WHRN: variants seen among roughly 807,000 people sequenced by gnomAD.
WHRN encodes whirlin.
A neutral mutation model predicts 68.3 loss-of-function variants in WHRN; 41 were observed. The observed-to-expected ratio is 0.60, with a 90% CI of 0.47 to 0.78. WHRN has a LOEUF of 0.78. WHRN is among the 30% of genes least tolerant of loss of function. The pLI is 0.00. For missense variants in WHRN, 1,243 were observed against 1,244.7 expected, an observed-to-expected ratio of 1.00 and a Z score of 0.02; for synonymous variants, 560 against 561.3, an observed-to-expected ratio of 1.00 and a Z score of 0.03.
chr9:114,500,597 G>A (rs4979416), intron 1 of WHRN, among the ~76,000 whole-genome samples: 20,082 of 152,178 alleles, frequency 0.13, 1,811 homozygotes, highest in East Asian at 0.36. Context: ...GAGGCCATAA[G>A]GAAGCCGTTT....
chr9:114,461,491 C>G (rs1398082950), intron 3 of WHRN, among the ~76,000 whole-genome samples: 1 of 152,192 alleles, frequency 6.6e-6, no homozygotes, highest in Admixed American at 6.5e-5. Context: ...CGTCTTTTCA[C>G]AGCTGCACAG....
intron 3 of WHRN, among the ~76,000 whole-genome samples, chr9:114,427,924 C>A (rs1837026868): frequency 6.6e-6 from 1 of 152,208 alleles, no homozygotes; most frequent in Non-Finnish European, 1.5e-5. Flanking sequence ...GCTCCTGTTC[C>A]ATTTAGCTCA....
At chr9:114,502,107 C>T (rs576662306) in intron 1 of WHRN, among the ~76,000 whole-genome samples, 1 of 152,366 alleles carries the variant, frequency 6.6e-6, no homozygotes, top group East Asian at 1.9e-4. Context: ...TAACACAAAG[C>T]AGCCATCATT....
intron 7 of WHRN, among the ~76,000 whole-genome samples, chr9:114,409,907 A>C (rs1835308157): frequency 6.6e-6 from 1 of 151,786 alleles, no homozygotes; most frequent in Non-Finnish European, 1.5e-5. Flanking sequence ...CCAGAAACAC[A>C]TGTCAGGTCT....
chr9:114,452,503 A>C (rs1839426907), intron 3 of WHRN, among the ~76,000 whole-genome samples: 1 of 152,262 alleles, frequency 6.6e-6, no homozygotes, highest in African/African-American at 2.4e-5. Context: ...GCCCTGAGCC[A>C]GGTGTCTTTG....
chr9:114,489,634 T>C (rs1189659590), intron 1 of WHRN, among the ~76,000 whole-genome samples: 1 of 152,248 alleles, frequency 6.6e-6, no homozygotes, highest in Non-Finnish European at 1.5e-5. Flanking sequence ...ATCTTAATTA[T>C]AAATGTATTA....
intron 3 of WHRN, among the ~76,000 whole-genome samples, chr9:114,438,720 G>T (rs552441815): frequency 2.0e-5 from 3 of 152,104 alleles, no homozygotes; most frequent in African/African-American, 7.2e-5. Flanking sequence ...CAAAGTGCTG[G>T]GATTACAGGC....
At position 114,406,867 on chromosome 9, in the gene WHRN, C is replaced by T. The variant is rs767694333; in HGVS notation, c.1724G>A (p.Gly575Glu). The change falls in exon 9 of 12, where the codon GGG becomes GAG. Residue 575 changes from glycine to glutamate, a missense_variant. Coordinates refer to ENST00000362057, the MANE Select transcript of WHRN (RefSeq NM_015404.4). Reference sequence around the variant, plus strand: ...AGGCAGTGGCTTGAAGCTTGACAGCCCCTGGGAGGTGGATCTGACATCATC... The same window carrying T: ...AGGCAGTGGCTTGAAGCTTGACAGCTCCTGGGAGGTGGATCTGACATCATC... ...SVDDVRSTSQGLSSFKPLPRP... is the reference protein window; with the variant it reads ...SVDDVRSTSQELSSFKPLPRP... 1.9e-6 allele frequency: 3 copies of T among 1,586,654 alleles called. No homozygotes were observed. The highest frequency in any genetic ancestry group is 2.6e-6 in the Non-Finnish European group (3 of 1,166,642).
At chr9:114,484,830 T>C (rs1842356800) in intron 1 of WHRN, among the ~76,000 whole-genome samples, 1 of 152,214 alleles carries the variant, frequency 6.6e-6, no homozygotes, top group African/African-American at 2.4e-5. Flanking sequence ...CAAATTTGCC[T>C]CACTCAGCTC....
chr9:114,456,547 G>T (rs1839817247), intron 3 of WHRN, among the ~76,000 whole-genome samples: 1 of 152,162 alleles, frequency 6.6e-6, no homozygotes, highest in Non-Finnish European at 1.5e-5. Flanking sequence ...TGGGTTAGGG[G>T]CCAGGTGTGG....
At chr9:114,418,100 T>G (rs1176295575) in intron 7 of WHRN, among the ~76,000 whole-genome samples, 1 of 152,186 alleles carries the variant, frequency 6.6e-6, no homozygotes, top group Admixed American at 6.5e-5. Context: ...GTTTGTCCTG[T>G]GGCCACACAT....
chr9:114,502,699 TC>T (rs1844033445), intron 1 of WHRN, among the ~76,000 whole-genome samples: 1 of 152,220 alleles, frequency 6.6e-6, no homozygotes, highest in African/African-American at 2.4e-5. Flanking sequence ...TATCACCTTA[TC>T]ACCTTGTGAC....
chr9:114,469,816 A>G (rs1841047214), intron 2 of WHRN, among the ~76,000 whole-genome samples: 1 of 152,240 alleles, frequency 6.6e-6, no homozygotes, highest in African/African-American at 2.4e-5. Context: ...GTGTGCCAAA[A>G]GGACCACACT....
intron 1 of WHRN, among the ~76,000 whole-genome samples, chr9:114,490,637 T>A (rs977798651): frequency 6.6e-6 from 1 of 152,220 alleles, no homozygotes; most frequent in Non-Finnish European, 1.5e-5. Context: ...GCTTCCATGC[T>A]GCGAATGCCG....
intron 2 of WHRN, among the ~76,000 whole-genome samples, chr9:114,467,148 C>T (rs1039751997): frequency 2.6e-5 from 4 of 151,844 alleles, no homozygotes; most frequent in African/African-American, 9.7e-5. Flanking sequence ...CAGGGGTCTC[C>T]TATCACCTGG....
At position 114,478,868 on chromosome 9, in the gene WHRN, C is replaced by T. The variant is rs56364142; in HGVS notation, c.619-97G>A. On this transcript the variant is annotated intron_variant, in intron 1 of 11. Coordinates refer to ENST00000362057, the MANE Select transcript of WHRN (RefSeq NM_015404.4). ...CCAGACCTTGGTTTTTCTCAGGAGC[C>T]CCACATGGAAGAAGAGGCCAGCCCT... 3,865 of 1,203,274 alleles carry T rather than the reference C, an allele frequency of 3.2e-3. 13 individuals carry two copies. The highest frequency in any genetic ancestry group is 3.8e-3 in the Non-Finnish European group (3,192 of 843,298). 74.5% of individuals were successfully genotyped at this position (1,203,274 alleles called of 1,614,324 possible). A position where few individuals can be genotyped will look rare whatever the true frequency, so the allele number is the denominator to read the frequency against.
At chr9:114,438,694 G>A (rs112566600) in intron 3 of WHRN, among the ~76,000 whole-genome samples, 204 of 151,944 alleles carry the variant, frequency 1.3e-3, no homozygotes, top group African/African-American at 4.2e-3. Context: ...CTCATGATCC[G>A]CCCGCCTTGG....
intron 1 of WHRN, among the ~76,000 whole-genome samples, chr9:114,500,307 C>T (rs1406268484): frequency 6.6e-6 from 1 of 152,114 alleles, no homozygotes; most frequent in Non-Finnish European, 1.5e-5. Context: ...AGGAACAAGA[C>T]CGGGGCAGAA....
chr9:114,405,526 C>T (rs561762658), intron 9 of WHRN, among the ~76,000 whole-genome samples: 8 of 152,306 alleles, frequency 5.3e-5, no homozygotes, highest in East Asian at 1.9e-4. Flanking sequence ...ATTGTTAGTA[C>T]GGCTGTTAGC....
Sources: allele counts gnomAD v4.1 joint callset (sites outside exome capture counted in the v4.1 genomes callset), GRCh38; gene constraint gnomAD v4.1.1; transcripts MANE v1.5; gene names NCBI Gene and HGNC (gene_info 2026-07-23, HGNC 2026-07-21).